Variants in RIT2 observed in about 807,000 individuals in gnomAD.
The protein encoded by RIT2 is GTP-binding protein Rit2.
In RIT2, 24 loss-of-function variants were observed where a neutral mutation model predicts 23.7. The ratio of observed to expected loss-of-function variants is 1.01; its 90% CI spans 0.73 to 1.43. The LOEUF (loss-of-function observed/expected upper bound fraction) is 1.43, where lower values mean the gene tolerates loss of function less well. Ranked by LOEUF, RIT2 falls within the 40% of genes most tolerant of loss-of-function variation. The probability of loss-of-function intolerance (pLI) is 0.00; values close to 1 mark genes in which losing one functional copy is unlikely to be tolerated. For synonymous variants in RIT2, 107 were observed against 91.1 expected, an observed-to-expected ratio of 1.17 and a Z score of -0.99; for missense variants, 236 against 266.9, an observed-to-expected ratio of 0.88 and a Z score of 0.81.
intron 2 of RIT2, among the ~76,000 whole-genome samples, chr18:43,015,942 A>C (rs1911464984): frequency 6.6e-6 from 1 of 151,826 alleles, no homozygotes; most frequent in South Asian, 2.1e-4. Context: ...TATCTTAAAC[A>C]GTCTCCTATG....
At chr18:42,845,856 G>A (rs1256210365) in intron 4 of RIT2, among the ~76,000 whole-genome samples, 1 of 151,690 alleles carries the variant, frequency 6.6e-6, no homozygotes, top group Non-Finnish European at 1.5e-5. Flanking sequence ...CAAATATTTA[G>A]AATTAGAAAG....
At chr18:42,967,277 C>T (rs1016976743) in intron 3 of RIT2, among the ~76,000 whole-genome samples, 1 of 151,982 alleles carries the variant, frequency 6.6e-6, no homozygotes, top group Non-Finnish European at 1.5e-5. Context: ...TTTTGTAAAT[C>T]TTTCACAGTT....
chr18:42,821,808 T>C (rs1906160258), intron 4 of RIT2, among the ~76,000 whole-genome samples: 3 of 152,114 alleles, frequency 2.0e-5, no homozygotes, highest in Non-Finnish European at 2.9e-5. Flanking sequence ...AGCCCTGTGA[T>C]ACAAAAGCAT....
chr18:42,821,441 C>G (rs1906145671), intron 4 of RIT2, among the ~76,000 whole-genome samples: 1 of 152,062 alleles, frequency 6.6e-6, no homozygotes, highest in African/African-American at 2.4e-5. Flanking sequence ...AAGGCCGTAA[C>G]TGTTACTTTA....
At chr18:42,977,844 T>C (rs1910509043) in intron 2 of RIT2, among the ~76,000 whole-genome samples, 1 of 148,448 alleles carries the variant, frequency 6.7e-6, no homozygotes, top group African/African-American at 2.5e-5. Context: ...TTTTAGCAAC[T>C]CTCAGCCATT....
At chr18:43,107,255 A>G (rs4072534) in intron 1 of RIT2, among the ~76,000 whole-genome samples, 12,552 of 152,198 alleles carry the variant, frequency 0.082, 653 homozygotes, top group East Asian at 0.15. Context: ...AGGTCATTTT[A>G]TCTTTCTAAG....
intron 4 of RIT2, among the ~76,000 whole-genome samples, chr18:42,909,885 C>A (rs1299841140): frequency 6.6e-6 from 1 of 151,992 alleles, no homozygotes; most frequent in African/African-American, 2.4e-5. Flanking sequence ...TCCTTCATTT[C>A]ATGAGTTTAA....
At chr18:43,108,066 C>T (rs997353459) in intron 1 of RIT2, among the ~76,000 whole-genome samples, 7 of 149,004 alleles carry the variant, frequency 4.7e-5, no homozygotes, top group African/African-American at 1.5e-4. Context: ...CCCAGTTATT[C>T]GGGGAGGCTG....
chr18:42,970,178 A>AT (rs112156996), intron 3 of RIT2, among the ~76,000 whole-genome samples: 15 of 150,484 alleles, frequency 1.0e-4, no homozygotes, highest in Admixed American at 4.7e-4. Flanking sequence ...GTAATGAGTA[A>AT]TTTTTTTTTT....
intron 4 of RIT2, among the ~76,000 whole-genome samples, chr18:42,771,889 G>A (rs1187757569): frequency 1.3e-5 from 2 of 152,050 alleles, no homozygotes; most frequent in Admixed American, 6.6e-5. Flanking sequence ...GTTGCCCTTT[G>A]CAACTTGTTT....
intron 3 of RIT2, among the ~76,000 whole-genome samples, chr18:42,964,326 T>C (rs1910162280): frequency 6.6e-6 from 1 of 152,064 alleles, no homozygotes; most frequent in Non-Finnish European, 1.5e-5. Flanking sequence ...CTCCCACTTT[T>C]GGTTCCTAAA....
chr18:42,804,512 G>A (rs898194522), intron 4 of RIT2, among the ~76,000 whole-genome samples: 14 of 138,528 alleles, frequency 1.0e-4, no homozygotes, highest in Non-Finnish European at 2.1e-4. Flanking sequence ...CTGAGATTGC[G>A]CCACTGCACT....
At chr18:42,979,103 AC>A (rs978547974) in intron 2 of RIT2, among the ~76,000 whole-genome samples, 3 of 152,138 alleles carry the variant, frequency 2.0e-5, no homozygotes, top group Non-Finnish European at 4.4e-5. Flanking sequence ...TAAATCATAA[AC>A]TTTTTGGCAA....
At chr18:42,776,803 C>T (rs950914315) in intron 4 of RIT2, among the ~76,000 whole-genome samples, 1 of 151,924 alleles carries the variant, frequency 6.6e-6, no homozygotes, top group Admixed American at 6.6e-5. Flanking sequence ...AATTCACATG[C>T]AGGAGATTCA....
At chr18:43,071,548 G>A (rs988596157) in intron 1 of RIT2, among the ~76,000 whole-genome samples, 1 of 152,076 alleles carries the variant, frequency 6.6e-6, no homozygotes, top group African/African-American at 2.4e-5. Context: ...CCAAGGCTTT[G>A]TTACCAGTAC....
chr18:43,005,175 G>A (rs190523615), intron 2 of RIT2, among the ~76,000 whole-genome samples: 109 of 151,712 alleles, frequency 7.2e-4, no homozygotes, highest in Non-Finnish European at 1.3e-3. Flanking sequence ...CTTCAATCTG[G>A]CTTTAAAGCC....
intron 2 of RIT2, among the ~76,000 whole-genome samples, chr18:43,031,519 T>C (rs1024216301): frequency 6.6e-6 from 1 of 152,110 alleles, no homozygotes; most frequent in South Asian, 2.1e-4. Context: ...TTTTCCTTTC[T>C]ATTATTATAA....
intron 2 of RIT2, among the ~76,000 whole-genome samples, chr18:43,018,257 T>A (rs952987568): frequency 6.6e-6 from 1 of 152,020 alleles, no homozygotes; most frequent in Non-Finnish European, 1.5e-5. Flanking sequence ...AGAGGGCAAT[T>A]GACTGTGACA....
chr18:42,925,221 C>G (rs1281128408), intron 3 of RIT2, among the ~76,000 whole-genome samples: 1 of 151,940 alleles, frequency 6.6e-6, no homozygotes, highest in Non-Finnish European at 1.5e-5. Flanking sequence ...CTATTGGATC[C>G]ATGTTTCATT....
Sources: gnomAD v4.1 joint callset for allele counts (sites outside exome capture counted in the v4.1 genomes callset) on GRCh38, gnomAD v4.1.1 for gene constraint, MANE v1.5 for transcripts, NCBI Gene and HGNC (gene_info 2026-07-23, HGNC 2026-07-21) for gene names.